Variants in YEATS2 observed in about 807,000 individuals in gnomAD.
The protein encoded by YEATS2 is YEATS domain containing 2.
Under a neutral mutation model 163.2 loss-of-function variants are expected in YEATS2, and 77 were observed. The observed-to-expected ratio is 0.47, with a 90% CI of 0.39 to 0.57. The LOEUF (loss-of-function observed/expected upper bound fraction) is 0.57. Among genes scored for constraint, YEATS2 ranks in the 20% least tolerant of loss-of-function variants. The pLI, the probability that YEATS2 is intolerant of heterozygous loss-of-function variation, is 0.00. For missense variants in YEATS2, 1,549 were observed against 1,729.8 expected (o/e 0.90, Z 1.85); for synonymous variants, 631 against 645.1 (o/e 0.98, Z 0.33).
At chr3:183,746,734 A>G (rs1719585000) in intron 8 of YEATS2, among the ~76,000 whole-genome samples, 1 of 150,174 alleles carries the variant, frequency 6.7e-6, no homozygotes, top group Admixed American at 6.7e-5. Flanking sequence ...CCATGGAACC[A>G]CTATTAATCC....
intron 8 of YEATS2, among the ~76,000 whole-genome samples, chr3:183,741,522 C>T (rs1718960476): frequency 6.6e-6 from 1 of 152,122 alleles, no homozygotes; most frequent in Middle Eastern, 3.2e-3. Context: ...TGGCTTATGT[C>T]TGTAATCCCA....
intron 21 of YEATS2, 79 bp downstream of exon 21, chr3:183,791,059 C>T (rs1049254045): frequency 1.6e-5 from 25 of 1,531,356 alleles, no homozygotes; most frequent in East Asian, 6.8e-5. Context: ...TTTGAGATAG[C>T]GTCTCACTCT....
intron 1 of YEATS2, among the ~76,000 whole-genome samples, chr3:183,714,800 G>T (rs1239718181): frequency 6.6e-6 from 1 of 152,006 alleles, no homozygotes; most frequent in Non-Finnish European, 1.5e-5. Context: ...CCTTATGAGG[G>T]CTCTTCCATG....
At position 183,728,677 on chromosome 3, in the gene YEATS2, T is replaced by G. The variant is rs971232099; in HGVS notation, c.651-13T>G. 3 of 1,540,168 alleles carry G rather than the reference T, an allele frequency of 1.9e-6. No homozygotes were observed. The African/African-American group carries it at 4.2e-5, about 22-fold the overall frequency. ...ACGAAAAGAATTCAGGTTTCTTTTTTCTTCTTCTCTAGGTATATACCTCCG... is the reference window on the plus strand; with the variant it reads ...ACGAAAAGAATTCAGGTTTCTTTTTGCTTCTTCTCTAGGTATATACCTCCG... On this transcript the variant is annotated splice_polypyrimidine_tract_variant and intron_variant, in intron 6 of 30. Transcript: ENST00000305135.
chr3:183,787,971 C>T (rs1437690655), intron 20 of YEATS2, among the ~76,000 whole-genome samples: 1 of 152,076 alleles, frequency 6.6e-6, no homozygotes, highest in Non-Finnish European at 1.5e-5. Flanking sequence ...CCACTCCACT[C>T]CAGCCTGGAC....
intron 28 of YEATS2, 33 bp downstream of exon 28, chr3:183,807,125 A>G (rs1341989015): frequency 6.4e-7 from 1 of 1,573,444 alleles, no homozygotes; most frequent in South Asian, 1.2e-5. Context: ...TTCATGCAGC[A>G]GACCAGCTCA....
intron 13 of YEATS2, 103 bp from the exon 14 acceptor site, chr3:183,761,404 A>G: frequency 1.8e-6 from 2 of 1,120,088 alleles, no homozygotes; most frequent in South Asian, 1.3e-5. Context: ...TTATTTCTTT[A>G]TATTGCTAGA....
intron 29 of YEATS2, among the ~76,000 whole-genome samples, chr3:183,808,347 G>C (rs1726439340): frequency 6.6e-6 from 1 of 152,018 alleles, no homozygotes; most frequent in Admixed American, 6.6e-5. Context: ...TGGGGGTGGT[G>C]GTCAGTGTGC....
At chr3:183,773,830 T>C in intron 17 of YEATS2, 36 bp downstream of exon 17, 1 of 1,579,068 alleles carries the variant, frequency 6.3e-7, no homozygotes, top group South Asian at 1.2e-5. Flanking sequence ...ATTTGGTTCT[T>C]GGTTCTCTAT....
At chr3:183,788,411 T>C (rs916620400) in intron 20 of YEATS2, among the ~76,000 whole-genome samples, 2 of 152,188 alleles carry the variant, frequency 1.3e-5, no homozygotes, top group Non-Finnish European at 2.9e-5. Flanking sequence ...AAATGTGTCT[T>C]TCTGTGCCTG....
At chr3:183,728,591 G>A (rs1028567932) in intron 6 of YEATS2, 99 bp from the exon 7 acceptor site, 2 of 1,147,938 alleles carry the variant, frequency 1.7e-6, no homozygotes, top group Admixed American at 2.7e-5. Context: ...AATATTGCAG[G>A]AATTTTAACC....
chr3:183,803,841 T>G, intron 26 of YEATS2, 146 bp from the exon 27 acceptor site: 1 of 771,262 alleles, frequency 1.3e-6, no homozygotes, highest in Non-Finnish European at 2.0e-6. Flanking sequence ...TTTTTTTTAA[T>G]GGGGAGTAAC....
intron 7 of YEATS2, among the ~76,000 whole-genome samples, chr3:183,729,796 T>C (rs1717526051): frequency 6.6e-6 from 1 of 152,042 alleles, no homozygotes; most frequent in South Asian, 2.1e-4. Context: ...CAAGCGATTC[T>C]TCTGCCTCAG....
chr3:183,757,882 T>C (rs947941271), intron 12 of YEATS2, among the ~76,000 whole-genome samples: 38 of 152,036 alleles, frequency 2.5e-4, no homozygotes, highest in Non-Finnish European at 7.4e-5. Flanking sequence ...TACTTAAGGA[T>C]GCCAAATAGG....
Position 183,798,966 on chromosome 3 carries a change from C to G in YEATS2, c.3302C>G (p.Ser1101Cys). 2 of 1,614,138 alleles carry G rather than the reference C, an allele frequency of 1.2e-6. No individual in the cohort carries two copies. Among genetic ancestry groups the G allele is most frequent in the Admixed American group, 1.7e-5 (1 of 60,022 alleles). The stretch of plus-strand genomic sequence containing the variant: ...GCCCCAACTCCAGTTGTCCCCAGCT[C>G]TGCTCCAGCAGCTGTTGCAAAAGGT... Reference protein sequence around the residue: ...VAAPTPVVPSSAPAAVAKVKT... With the variant: ...VAAPTPVVPSCAPAAVAKVKT... Residue 1101 changes from serine (S) to cysteine (C), a missense_variant, in exon 23 of 31, where the codon TCT (serine) becomes TGT (cysteine). Transcript: ENST00000305135.
intron 8 of YEATS2, among the ~76,000 whole-genome samples, chr3:183,744,115 T>A (rs1298793840): frequency 4.5e-5 from 6 of 134,302 alleles, no homozygotes; most frequent in Non-Finnish European, 9.5e-5. Flanking sequence ...TTTTTTTTTT[T>A]TTTTTTTTTT....
In YEATS2 at chr3:183,811,627, TAGTC is replaced by T. The variant is rs1726805964; in HGVS notation, c.*1045_*1048del. On this transcript the variant is annotated 3_prime_UTR_variant, in exon 31 of 31. Transcript: ENST00000305135. ...TGCCAGTGCCCAGAAGCAGTGAGATTAGTCTGTGTCCACAAGCAGAGGCCCCCTC... is the reference window on the plus strand; with the variant it reads ...TGCCAGTGCCCAGAAGCAGTGAGATTTGTGTCCACAAGCAGAGGCCCCCTC... The T allele has an allele frequency of 1.3e-5, 2 of 152,592 alleles. No homozygotes were observed. Among genetic ancestry groups the T allele is most frequent in the Admixed American group, 1.3e-4 (2 of 15,266 alleles). The allele number at this position is 152,592 out of a possible 1,614,324, so 9.5% of individuals were successfully genotyped here.
chr3:183,722,119 A>G lies in YEATS2; in HGVS notation c.520A>G (p.Ser174Gly). Residue 174 changes from serine (S) to glycine (G), a missense_variant, in exon 5 of 31, where the codon AGC becomes GGC. Coordinates refer to ENST00000305135, the MANE Select transcript of YEATS2 (RefSeq NM_018023.5). ...CTCAAACAACATGGAGCAGAGACCA[A>G]GCCGAAATACTGGAAGGGTATATAG... ...RLSNNMEQRPSRNTGRDTSRI... is the reference protein window; with the variant it reads ...RLSNNMEQRPGRNTGRDTSRI... 1.9e-6 allele frequency: 3 copies of G among 1,614,066 alleles called. No individual in the cohort carries two copies. Among genetic ancestry groups the G allele is most frequent in the Non-Finnish European group, 2.5e-6 (3 of 1,180,002 alleles).
intron 20 of YEATS2, among the ~76,000 whole-genome samples, chr3:183,789,971 A>G (rs1286246245): frequency 6.6e-6 from 1 of 152,210 alleles, no homozygotes; most frequent in Non-Finnish European, 1.5e-5. Context: ...ACAGACTTGA[A>G]TGATGTGGCT....
Sources: gnomAD v4.1 joint callset for allele counts (sites outside exome capture counted in the v4.1 genomes callset) on GRCh38, gnomAD v4.1.1 for gene constraint, MANE v1.5 for transcripts, NCBI Gene and HGNC (gene_info 2026-07-23, HGNC 2026-07-21) for gene names.